RESF1: variants seen among roughly 807,000 people sequenced by gnomAD.
The protein encoded by RESF1 is retroelement silencing factor 1, also known as gonad expressed transcript.
In RESF1, 65 loss-of-function variants were observed where a neutral mutation model predicts 134.7. That is an observed-to-expected ratio of 0.48 (90% CI 0.40 to 0.59). The LOEUF is 0.59. RESF1 is among the 20% of genes least tolerant of loss of function. The probability of loss-of-function intolerance (pLI) is 0.00; values close to 1 mark genes in which losing one functional copy is unlikely to be tolerated. For missense variants in RESF1, 2,274 were observed against 2,002.7 expected, an observed-to-expected ratio of 1.14 and a Z score of -2.59; for synonymous variants, 762 against 702.2, an observed-to-expected ratio of 1.09 and a Z score of -1.35.
intron 4 of RESF1, 33 bp from the exon 5 acceptor site, chr12:31,987,206 T>C: frequency 8.6e-7 from 1 of 1,162,930 alleles, no homozygotes; most frequent in South Asian, 1.3e-5. Context: ...TGATTAGCAA[T>C]ATCTAGAGTT....
At chr12:31,965,118 C>T (rs939321135) in intron 2 of RESF1, among the ~76,000 whole-genome samples, 7 of 152,002 alleles carry the variant, frequency 4.6e-5, no homozygotes, top group African/African-American at 9.7e-5. Flanking sequence ...CACCACACCG[C>T]GGTAATTTTT....
At chr12:31,975,805 T>C (rs990864738) in intron 3 of RESF1, among the ~76,000 whole-genome samples, 1 of 152,232 alleles carries the variant, frequency 6.6e-6, no homozygotes, top group Non-Finnish European at 1.5e-5. Context: ...CATATAGCCT[T>C]TTATTTTTGT....
chr12:31,964,015 T>G (rs762981090), intron 2 of RESF1, among the ~76,000 whole-genome samples: 1 of 152,244 alleles, frequency 6.6e-6, no homozygotes, highest in Non-Finnish European at 1.5e-5. Flanking sequence ...TATGTAGACG[T>G]GTATTTTTAT....
chr12:31,987,966 A>G (rs1301648709), intron 5 of RESF1, among the ~76,000 whole-genome samples: 1 of 152,076 alleles, frequency 6.6e-6, no homozygotes, highest in Non-Finnish European at 1.5e-5. Flanking sequence ...AACTCCTGAC[A>G]TCAGGTAATC....
In RESF1 at chr12:31,984,463, A is replaced by G. The variant is rs758892304; in HGVS notation, c.3508A>G (p.Ile1170Val). ...SVILDSEKDD[I>V]HCCALGWLSM... ...GATACTGGACTCTGAGAAAGATGAT[A>G]TCCACTGCTGTGCATTGGGCTGGCT... The change falls in exon 4 of 6, where the codon ATC becomes GTC. Residue 1170 changes from isoleucine (I) to valine (V), a missense_variant. Transcript: ENST00000312561. 2.4e-5 allele frequency: 38 copies of G among 1,613,942 alleles called. No homozygotes were observed. The Admixed American group carries it at 6.2e-4, about 26-fold the overall frequency.
chr12:31,964,897 G>A (rs4931586), intron 2 of RESF1, among the ~76,000 whole-genome samples: 99,364 of 152,016 alleles, frequency 0.65, 32,523 homozygotes, highest in African/African-American at 0.68. Context: ...TCTAGGTTCT[G>A]TTCCATTGAT....
In RESF1 at chr12:31,984,209, C is replaced by A; in HGVS notation, c.3254C>A (p.Ser1085Ter). The change falls in exon 4 of 6, where the codon TCA becomes TAA. Residue 1085 changes from serine (S) to a stop codon, truncating the protein, a stop_gained. Coordinates refer to ENST00000312561, the MANE Select transcript of RESF1 (RefSeq NM_018169.4). LOFTEE classifies it high-confidence loss of function. The stretch of plus-strand genomic sequence containing the variant: ...GGCCAGCAAACTACATACCAGACCT[C>A]AGAAGATCAAACTGCTGATAAAACC... ...SVGQQTTYQT[S>*]EDQTADKTSS... 6.2e-7 allele frequency: 1 copy of A among 1,613,968 alleles called. No individual in the cohort carries two copies. The highest frequency in any genetic ancestry group is 1.1e-5 in the South Asian group (1 of 91,034).
intron 2 of RESF1, among the ~76,000 whole-genome samples, chr12:31,965,889 C>CAA (rs10665492): frequency 0.25 from 28,970 of 113,686 alleles, 3,923 homozygotes; most frequent in African/African-American, 0.38. Flanking sequence ...GACTTCGTCT[C>CAA]AAAAAAAAAA....
At chr12:31,979,625 C>T (rs1939726128) in intron 3 of RESF1, among the ~76,000 whole-genome samples, 1 of 151,958 alleles carries the variant, frequency 6.6e-6, no homozygotes, top group Non-Finnish European at 1.5e-5. Flanking sequence ...GCAGCCTCAA[C>T]CCCCAGGCTC....
In RESF1 at chr12:31,984,346, T is replaced by C; in HGVS notation, c.3391T>C (p.Leu1131=). 1 of 1,614,052 alleles carries C rather than the reference T, an allele frequency of 6.2e-7. No individual in the cohort carries two copies. The highest frequency in any genetic ancestry group is 8.5e-7 in the Non-Finnish European group (1 of 1,179,996). The change falls in exon 4 of 6, where the codon TTG becomes CTG. Residue 1131 remains leucine, a synonymous_variant. Transcript: ENST00000312561. The stretch of plus-strand genomic sequence containing the variant: ...TGATCAACCCTATGTAGTAGACAAG[T>C]TGGCAGAACCTCAGAAAGAAGAGCC... ...QDDQPYVVDK[L]AEPQKEEPIT...
At position 31,981,011 on chromosome 12, in the gene RESF1, G is replaced by A; in HGVS notation, c.56G>A (p.Ser19Asn). 1 of 1,613,824 alleles carries A rather than the reference G, an allele frequency of 6.2e-7. No individual in the cohort carries two copies. ...ACATTACCACCACTGTATCCTAAAAGCCAGCCACCTTTTTTGCACCAGTCT... is the reference window on the plus strand; with the variant it reads ...ACATTACCACCACTGTATCCTAAAAACCAGCCACCTTTTTTGCACCAGTCT... ...SATLPPLYPK[S>N]QPPFLHQSLI... The change falls in exon 4 of 6, where the codon AGC (serine) becomes AAC (asparagine). Residue 19 changes from serine to asparagine, a missense_variant. Coordinates refer to ENST00000312561, the MANE Select transcript of RESF1 (RefSeq NM_018169.4).
chr12:31,975,295 A>G lies in RESF1; in HGVS notation c.-79+4939A>G, dbSNP rs1231564678. On this transcript the variant is annotated intron_variant, in intron 3 of 5. Coordinates refer to ENST00000312561, the MANE Select transcript of RESF1 (RefSeq NM_018169.4). ...AAAAGAAAAAGAAAACTGAGCTTAT[A>G]GTACAGAGCATTCCCATATAAGAGC... Among the ~76,000 whole-genome samples the G allele has an allele frequency of 2.0e-5, 3 of 152,126 alleles. No individual in the cohort carries two copies. In the East Asian group the frequency reaches 5.8e-4, roughly 29 times the overall value.
intron 1 of RESF1, chr12:31,959,762 C>T (rs774776501): frequency 6.6e-6 from 1 of 151,766 alleles, no homozygotes; most frequent in Non-Finnish European, 1.5e-5. Flanking sequence ...CCTGGGCCTC[C>T]GCGGATGCCG....
intron 2 of RESF1, 60 bp downstream of exon 2, chr12:31,960,931 A>C (rs1447779953): frequency 1.3e-5 from 2 of 152,220 alleles, no homozygotes; most frequent in African/African-American, 2.4e-5. Flanking sequence ...TTCACACTCA[A>C]CTATGGAGTA....
chr12:31,977,801 CTTTTTT>C (rs3075963), intron 3 of RESF1, among the ~76,000 whole-genome samples: 4 of 124,366 alleles, frequency 3.2e-5, no homozygotes, highest in Admixed American at 8.9e-5. Context: ...TTCTTTCTTT[CTTTTTT>C]TTTTTTTTTT....
At position 31,985,334 on chromosome 12, in the gene RESF1, G is replaced by A. The variant is rs777679430; in HGVS notation, c.4379G>A (p.Ser1460Asn). Reference protein sequence around the residue: ...LQRQKHKEALSNKASKKICVK... With the variant: ...LQRQKHKEALNNKASKKICVK... ...AGGCAGAAGCATAAAGAAGCTCTGA[G>A]TAATAAAGCATCGAAGAAAATCTGT... Residue 1460 changes from serine to asparagine, a missense_variant, in exon 4 of 6, where the codon AGT (serine) becomes AAT (asparagine). Coordinates refer to ENST00000312561, the MANE Select transcript of RESF1 (RefSeq NM_018169.4). The A allele has an allele frequency of 3.1e-6, 5 of 1,611,484 alleles. No homozygotes were observed. The highest frequency in any genetic ancestry group is 4.2e-6 in the Non-Finnish European group (5 of 1,179,472).
Position 31,981,264 on chromosome 12 carries a change from A to C in RESF1, c.309A>C (p.Gln103His). The change falls in exon 4 of 6, where the codon CAA (glutamine) becomes CAC (histidine). Residue 103 changes from glutamine to histidine, a missense_variant. Physicochemically the swap from Gln to His is conservative, Grantham distance 24 (BLOSUM62 0). Coordinates refer to ENST00000312561, the MANE Select transcript of RESF1 (RefSeq NM_018169.4). ...ATGCAAATGTTAATGGACCCAAACA[A>C]CTAACTCACAATTTGCAGATGTCTT... ...ITYANVNGPK[Q>H]LTHNLQMSSG... 6.2e-7 allele frequency: 1 copy of C among 1,614,160 alleles called. No homozygotes were observed. The highest frequency in any genetic ancestry group is 1.6e-4 in the Middle Eastern group (1 of 6,062).
chr12:31,985,470 T>G lies in RESF1; in HGVS notation c.4515T>G (p.Ser1505=). ...AACACAGCAGCGGCGTGCAGACCTC[T>G]AAAGAATCATTAAATGGCTTGACAA... ...NEKHSSGVQT[S]KESLNGLTSH... Residue 1505 remains serine (S), a synonymous_variant, in exon 4 of 6, where the codon TCT becomes TCG. Transcript: ENST00000312561. 6.2e-7 allele frequency: 1 copy of G among 1,607,892 alleles called. No homozygotes were observed. The highest frequency in any genetic ancestry group is 8.5e-7 in the Non-Finnish European group (1 of 1,178,480).
intron 1 of RESF1, chr12:31,960,024 C>A (rs1323236868): frequency 2.0e-5 from 3 of 151,934 alleles, no homozygotes; most frequent in Non-Finnish European, 4.4e-5. Context: ...TAAGCCGAAG[C>A]CTCCTGGAAC....
Sources: gnomAD v4.1 joint callset for allele counts (sites outside exome capture counted in the v4.1 genomes callset) on GRCh38, gnomAD v4.1.1 for gene constraint, MANE v1.5 for transcripts, NCBI Gene and HGNC (gene_info 2026-07-23, HGNC 2026-07-21) for gene names.